NEK11: variants seen among roughly 807,000 people sequenced by gnomAD.
The protein encoded by NEK11 is NIMA related kinase 11, also known as serine/threonine-protein kinase Nek11.
Under a neutral mutation model 80.7 loss-of-function variants are expected in NEK11, and 72 were observed. The observed-to-expected ratio is 0.89, with a 90% CI of 0.74 to 1.08. The LOEUF is 1.08. Ranked by LOEUF, NEK11 falls within the 50% of genes least tolerant of loss-of-function variation. The pLI, the probability that NEK11 is intolerant of heterozygous loss-of-function variation, is 0.00. For missense variants in NEK11, 764 were observed against 763.6 expected (o/e 1.00, Z -0.01); for synonymous variants, 251 against 260.7 (o/e 0.96, Z 0.36).
chr3:131,285,401 G>C (rs1226344650), intron 17 of NEK11, among the ~76,000 whole-genome samples: 1 of 152,194 alleles, frequency 6.6e-6, no homozygotes, highest in African/African-American at 2.4e-5. Flanking sequence ...GAGCTCAAGA[G>C]CCCTGCGTCT....
intron 4 of NEK11, among the ~76,000 whole-genome samples, chr3:131,091,209 G>T (rs2076680469): frequency 6.6e-6 from 1 of 152,152 alleles, no homozygotes; most frequent in Non-Finnish European, 1.5e-5. Context: ...TCTTCCTGTT[G>T]ATTTCACATA....
At chr3:131,240,244 G>A (rs2095500446) in intron 15 of NEK11, among the ~76,000 whole-genome samples, 1 of 152,116 alleles carries the variant, frequency 6.6e-6, no homozygotes, top group Admixed American at 6.6e-5. Flanking sequence ...TTAGACTTGG[G>A]AAAAACAAAC....
At chr3:131,108,641 G>C (rs1040263503) in intron 4 of NEK11, among the ~76,000 whole-genome samples, 8 of 151,984 alleles carry the variant, frequency 5.3e-5, no homozygotes, top group Admixed American at 2.6e-4. Context: ...ACACTGCCAG[G>C]CTATTTTAGA....
intron 4 of NEK11, among the ~76,000 whole-genome samples, chr3:131,101,121 CTTTT>C (rs1427069886): frequency 6.6e-6 from 1 of 151,824 alleles, no homozygotes; most frequent in Non-Finnish European, 1.5e-5. Flanking sequence ...ATTTGGATCT[CTTTT>C]TTGTTGTTAA....
intron 5 of NEK11, among the ~76,000 whole-genome samples, chr3:131,130,325 A>G (rs1381891737): frequency 1.3e-5 from 2 of 152,088 alleles, no homozygotes; most frequent in Non-Finnish European, 2.9e-5. Context: ...TAATTCCAGG[A>G]GGTTTTTTTA....
intron 14 of NEK11, among the ~76,000 whole-genome samples, chr3:131,210,672 A>G (rs1020377037): frequency 6.6e-6 from 1 of 152,128 alleles, no homozygotes; most frequent in Non-Finnish European, 1.5e-5. Flanking sequence ...TTGGGTGTAT[A>G]TATATTTAGG....
intron 17 of NEK11, among the ~76,000 whole-genome samples, chr3:131,302,673 T>C (rs2096674738): frequency 1.3e-5 from 2 of 152,182 alleles, no homozygotes; most frequent in Admixed American, 6.5e-5. Flanking sequence ...AGAGATCTCC[T>C]TAGAGATTTC....
chr3:131,085,255 C>T (rs73869507), intron 4 of NEK11, among the ~76,000 whole-genome samples: 10,987 of 152,224 alleles, frequency 0.072, 1,158 homozygotes, highest in African/African-American at 0.23. Context: ...TGTATGAATA[C>T]GTTGGCAATC....
rs1056719590 is a variant in NEK11 at position 131,138,794 on chromosome 3, C to T, written c.647+4838C>T. Among the ~76,000 whole-genome samples, 3 of 152,302 alleles carry T rather than the reference C, an allele frequency of 2.0e-5. 1 individual carries two copies. The highest frequency in any genetic ancestry group is 4.1e-4 in the South Asian group (2 of 4,826). The stretch of plus-strand genomic sequence containing the variant: ...TAAGACCACCAAGGTGGTACCTCTA[C>T]AAGTCTGTAAGAACTACAGTGTTAC... On this transcript the variant is annotated intron_variant, in intron 7 of 17. Coordinates refer to ENST00000383366, the MANE Select transcript of NEK11 (RefSeq NM_024800.5).
chr3:131,074,763 A>T (rs4682612), intron 3 of NEK11, among the ~76,000 whole-genome samples: 138,381 of 152,190 alleles, frequency 0.91, 63,445 homozygotes, highest in Non-Finnish European at 0.95. Context: ...GAAGCTCTAG[A>T]CCGTGGATTT....
intron 3 of NEK11, among the ~76,000 whole-genome samples, chr3:131,061,039 A>C (rs973735321): frequency 1.3e-5 from 2 of 152,158 alleles, no homozygotes; most frequent in Non-Finnish European, 2.9e-5. Flanking sequence ...GAAAGTCATA[A>C]ATCACTTGTA....
At chr3:131,296,008 T>G (rs2096589061) in intron 17 of NEK11, among the ~76,000 whole-genome samples, 3 of 152,002 alleles carry the variant, frequency 2.0e-5, no homozygotes, top group African/African-American at 7.2e-5. Context: ...ATCTGGCTAA[T>G]TTTTGTATTT....
intron 7 of NEK11, among the ~76,000 whole-genome samples, chr3:131,142,022 T>C (rs2087020460): frequency 6.6e-6 from 1 of 152,234 alleles, no homozygotes; most frequent in Admixed American, 6.5e-5. Context: ...TTGCCTTACC[T>C]GAGGACTACA....
intron 5 of NEK11, among the ~76,000 whole-genome samples, chr3:131,122,171 G>C (rs574751665): frequency 6.6e-6 from 1 of 152,288 alleles, no homozygotes; most frequent in East Asian, 1.9e-4. Flanking sequence ...TTTTAATGTA[G>C]TGAGGCTTCC....
chr3:131,176,820 A>AT, intron 14 of NEK11, among the ~76,000 whole-genome samples: 1 of 152,182 alleles, frequency 6.6e-6, no homozygotes, highest in East Asian at 1.9e-4. Context: ...ACCGCCTGGG[A>AT]AGGCTATATG....
chr3:131,215,948 G>T (rs1217305956), intron 14 of NEK11, among the ~76,000 whole-genome samples: 1 of 152,216 alleles, frequency 6.6e-6, no homozygotes, highest in Non-Finnish European at 1.5e-5. Flanking sequence ...CTGCAGTGTT[G>T]GAAATATTCT....
chr3:131,278,281 T>C (rs1365641447), intron 17 of NEK11, among the ~76,000 whole-genome samples: 1 of 152,176 alleles, frequency 6.6e-6, no homozygotes, highest in Non-Finnish European at 1.5e-5. Context: ...TCAGAAGTTA[T>C]TAGGTGGTAC....
Position 131,159,824 on chromosome 3 carries a change from A to G in NEK11, c.963-2584A>G, listed in dbSNP as rs150978944. Among the ~76,000 whole-genome samples the G allele has an allele frequency of 5.2e-4, 79 of 152,326 alleles. 1 individual carries two copies. In the East Asian group the frequency reaches 0.014, roughly 28 times the overall value. ...CAGAATGGACCTAGCTGAGGAAAGAATCTCAGAGCTTGAAGACTGGTTTTC... is the reference window on the plus strand; with the variant it reads ...CAGAATGGACCTAGCTGAGGAAAGAGTCTCAGAGCTTGAAGACTGGTTTTC... On this transcript the variant is annotated intron_variant, in intron 10 of 17. Coordinates refer to ENST00000383366, the MANE Select transcript of NEK11 (RefSeq NM_024800.5).
At chr3:131,340,684 C>A (rs567190126) in intron 17 of NEK11, among the ~76,000 whole-genome samples, 98 of 152,232 alleles carry the variant, frequency 6.4e-4, no homozygotes, top group African/African-American at 2.3e-3. Context: ...CATTAGGGAA[C>A]CTTCCTTCAG....
Sources: allele counts gnomAD v4.1 joint callset (sites outside exome capture counted in the v4.1 genomes callset), GRCh38; gene constraint gnomAD v4.1.1; transcripts MANE v1.5; gene names NCBI Gene and HGNC (gene_info 2026-07-23, HGNC 2026-07-21).